Variants in PDCD1LG2 observed in about 807,000 individuals in gnomAD.
The protein encoded by PDCD1LG2 is B7 dendritic cell molecule.
Under a neutral mutation model 28.2 loss-of-function variants are expected in PDCD1LG2, and 32 were observed. That is an observed-to-expected ratio of 1.13 (90% CI 0.86 to 1.52). The LOEUF is 1.52. Ranked by LOEUF, PDCD1LG2 falls within the 40% of genes most tolerant of loss-of-function variation. The pLI is 0.00. For synonymous variants in PDCD1LG2, 116 were observed against 120.2 expected (o/e 0.97, Z 0.23); for missense variants, 385 against 323.8 (o/e 1.19, Z -1.45).
At chr9:5,541,592 A>G (rs1184217825) in intron 3 of PDCD1LG2, among the ~76,000 whole-genome samples, 5 of 152,140 alleles carry the variant, frequency 3.3e-5, no homozygotes, top group African/African-American at 1.2e-4. Flanking sequence ...AAAATAAAAT[A>G]CTTAGGAATA....
At chr9:5,517,265 G>A (rs28581351) in intron 1 of PDCD1LG2, among the ~76,000 whole-genome samples, 18,688 of 152,200 alleles carry the variant, frequency 0.12, 1,642 homozygotes, top group East Asian at 0.33. Context: ...CGGGTAGAGG[G>A]ACATGTACAC....
intron 2 of PDCD1LG2, among the ~76,000 whole-genome samples, chr9:5,532,567 T>C (rs1820503318): frequency 6.6e-6 from 1 of 152,166 alleles, no homozygotes; most frequent in Admixed American, 6.5e-5. Flanking sequence ...ACTGGATATA[T>C]CAAAGCAAAC....
chr9:5,519,912 C>T (rs1362989309), intron 1 of PDCD1LG2, among the ~76,000 whole-genome samples: 4 of 152,168 alleles, frequency 2.6e-5, no homozygotes, highest in Non-Finnish European at 5.9e-5. Flanking sequence ...CAGTTCCCTT[C>T]AGGTCTTTTT....
At chr9:5,568,565 G>C (rs1485660252) in intron 6 of PDCD1LG2, among the ~76,000 whole-genome samples, 1 of 152,108 alleles carries the variant, frequency 6.6e-6, no homozygotes, top group Non-Finnish European at 1.5e-5. Context: ...AAAAATGTTG[G>C]GGACCACTGC....
At chr9:5,513,675 C>CTGG (rs1771690111) in intron 1 of PDCD1LG2, among the ~76,000 whole-genome samples, 1 of 152,202 alleles carries the variant, frequency 6.6e-6, no homozygotes, top group South Asian at 2.1e-4. Context: ...CTTAAGGCTA[C>CTGG]TGGTAGTCTA....
chr9:5,567,298 A>G (rs1816684888), intron 6 of PDCD1LG2, among the ~76,000 whole-genome samples: 2 of 152,240 alleles, frequency 1.3e-5, no homozygotes, highest in African/African-American at 4.8e-5. Flanking sequence ...AGTGACTTGC[A>G]TAAGGTCATA....
At chr9:5,551,842 G>A (rs1246281102) in intron 4 of PDCD1LG2, among the ~76,000 whole-genome samples, 1 of 152,200 alleles carries the variant, frequency 6.6e-6, no homozygotes, top group Non-Finnish European at 1.5e-5. Flanking sequence ...CATTAAGTCA[G>A]CTCTGCCACT....
chr9:5,522,373 C>G (rs1029858403), intron 1 of PDCD1LG2, among the ~76,000 whole-genome samples, 160 bp from the exon 2 acceptor site: 7 of 152,172 alleles, frequency 4.6e-5, no homozygotes, highest in African/African-American at 1.7e-4. Flanking sequence ...CTTCTCTTCT[C>G]CAGGAAATCA....
intron 5 of PDCD1LG2, among the ~76,000 whole-genome samples, chr9:5,559,782 A>G (rs530072650): frequency 1.3e-5 from 2 of 152,288 alleles, no homozygotes; most frequent in Admixed American, 6.5e-5. Context: ...GACCTTCTCC[A>G]TGGCTTCTTA....
intron 3 of PDCD1LG2, among the ~76,000 whole-genome samples, chr9:5,538,811 A>T (rs191826172): frequency 9.0e-4 from 137 of 152,060 alleles, no homozygotes; most frequent in African/African-American, 3.2e-3. Flanking sequence ...TTTTGAGATC[A>T]TTTTTTTGGG....
chr9:5,533,942 T>C (rs973474466), intron 2 of PDCD1LG2, among the ~76,000 whole-genome samples: 3 of 150,842 alleles, frequency 2.0e-5, no homozygotes, highest in Admixed American at 6.7e-5. Context: ...ATACATTAAG[T>C]ATCAGTTCCA....
chr9:5,555,740 A>G (rs1027413890), intron 4 of PDCD1LG2, among the ~76,000 whole-genome samples: 13 of 152,346 alleles, frequency 8.5e-5, no homozygotes, highest in Admixed American at 7.8e-4. Context: ...ACCTTCAGAA[A>G]GTAAACGAGT....
In PDCD1LG2 at chr9:5,540,894, G is replaced by A. The variant is rs571405568; in HGVS notation, c.361+5844G>A. Among the ~76,000 whole-genome samples the A allele has an allele frequency of 2.6e-5, 4 of 152,162 alleles. No homozygotes were observed. The South Asian group carries it at 6.2e-4, about 24-fold the overall frequency. ...CAGTAGCACCCTAATACAAAAACCA[G>A]GGAAGGACATAACAAAAAAAGAAAA... On this transcript the variant is annotated intron_variant, in intron 3 of 6. Transcript: ENST00000397747.
Position 5,571,204 on chromosome 9 carries a change from T to C in PDCD1LG2, c.*1245T>C, listed in dbSNP as rs192828600. 1.0e-4 allele frequency: 24 copies of C among 232,968 alleles called. No homozygotes were observed. Among genetic ancestry groups the C allele is most frequent in the African/African-American group, 3.3e-4 (15 of 45,464 alleles). The allele number at this position is 232,968 out of a possible 1,614,324, so 14.4% of individuals were successfully genotyped here. A position where few individuals can be genotyped will look rare whatever the true frequency, so the allele number is the denominator to read the frequency against. ...ATACATCTCAGTTTCTCAATTCTCA[T>C]GTAAATCAGAGAATGCCTTTAAAGA... On this transcript the variant is annotated 3_prime_UTR_variant, in exon 7 of 7. Coordinates refer to ENST00000397747, the MANE Select transcript of PDCD1LG2 (RefSeq NM_025239.4).
chr9:5,541,381 A>C (rs1417187794), intron 3 of PDCD1LG2, among the ~76,000 whole-genome samples: 3 of 152,186 alleles, frequency 2.0e-5, no homozygotes, highest in African/African-American at 7.2e-5. Context: ...AAAGAAATAA[A>C]GGGCATCCAA....
intron 2 of PDCD1LG2, among the ~76,000 whole-genome samples, chr9:5,523,001 C>T (rs988274500): frequency 2.6e-5 from 4 of 152,198 alleles, no homozygotes; most frequent in African/African-American, 9.7e-5. Context: ...AACACCGTTA[C>T]TCTAAAGATA....
chr9:5,563,801 C>T (rs1816613787), intron 6 of PDCD1LG2, among the ~76,000 whole-genome samples: 1 of 152,172 alleles, frequency 6.6e-6, no homozygotes, highest in Admixed American at 6.5e-5. Flanking sequence ...GAAACCCAGG[C>T]AGGATTTCTA....
chr9:5,555,037 A>T (rs568000024), intron 4 of PDCD1LG2, among the ~76,000 whole-genome samples: 1 of 152,318 alleles, frequency 6.6e-6, no homozygotes, highest in East Asian at 1.9e-4. Context: ...AGCAAGTTGC[A>T]TGCCTTACTT....
chr9:5,557,770 A>G lies in PDCD1LG2; in HGVS notation c.766+18A>G, dbSNP rs1474533049. ...TTCAAAAGGTAAGTGAGTTTTATTC[A>G]TGGTAACCCAATGCACTGGGTGTCT... On this transcript the variant is annotated intron_variant, in intron 5 of 6. Coordinates refer to ENST00000397747, the MANE Select transcript of PDCD1LG2 (RefSeq NM_025239.4). 6.2e-7 allele frequency: 1 copy of G among 1,613,414 alleles called. No individual in the cohort carries two copies. Among genetic ancestry groups the G allele is most frequent in the East Asian group, 2.2e-5 (1 of 44,876 alleles).
Sources: allele counts gnomAD v4.1 joint callset (sites outside exome capture counted in the v4.1 genomes callset), GRCh38; gene constraint gnomAD v4.1.1; transcripts MANE v1.5; gene names NCBI Gene and HGNC (gene_info 2026-07-23, HGNC 2026-07-21).